FLT3: variants seen among roughly 807,000 people sequenced by gnomAD.
FLT3 encodes the protein receptor-type tyrosine-protein kinase FLT3.
In FLT3, 46 loss-of-function variants were observed where a neutral mutation model predicts 126.6. That is an observed-to-expected ratio of 0.36 (90% CI 0.29 to 0.46). The LOEUF (loss-of-function observed/expected upper bound fraction) is 0.46, where lower values mean the gene tolerates loss of function less well. FLT3 is among the 20% of genes least tolerant of loss of function. The pLI, the probability that FLT3 is intolerant of heterozygous loss-of-function variation, is 1.00. For missense variants in FLT3, 1,069 were observed against 1,190.3 expected (o/e 0.90, Z 1.50); for synonymous variants, 404 against 434.4 (o/e 0.93, Z 0.87).
intron 1 of FLT3, 149 bp from the exon 2 acceptor site, chr13:28,070,761 GT>G: frequency 1.6e-6 from 1 of 613,864 alleles, no homozygotes; most frequent in Non-Finnish European, 2.8e-6. Context: ...TTTTATGCAA[GT>G]TTAGTCTAGT....
At chr13:28,047,336 A>C (rs4771207) in intron 9 of FLT3, among the ~76,000 whole-genome samples, 24,047 of 152,226 alleles carry the variant, frequency 0.16, 2,257 homozygotes, top group Middle Eastern at 0.26. Context: ...TTAAAGAGAC[A>C]AGAGATGTCA....
Position 28,052,537 on chromosome 13 carries a change from T to C in FLT3, c.614+8A>G, listed in dbSNP as rs1206805957. Reference sequence around the variant, plus strand: ...ATGAGAATAGCAGCTACCATGGATGTGTCATACCTTTCCCCCTGTGAATCG... The same window carrying C: ...ATGAGAATAGCAGCTACCATGGATGCGTCATACCTTTCCCCCTGTGAATCG... On this transcript the variant is annotated splice_region_variant and intron_variant, in intron 5 of 23. Coordinates refer to ENST00000241453, the MANE Select transcript of FLT3 (RefSeq NM_004119.3). 2 of 1,609,058 alleles carry C rather than the reference T, an allele frequency of 1.2e-6. No individual in the cohort carries two copies. Among genetic ancestry groups the C allele is most frequent in the Non-Finnish European group, 8.5e-7 (1 of 1,178,066 alleles).
chr13:28,035,143 T>C (rs181060175), intron 12 of FLT3, among the ~76,000 whole-genome samples: 72 of 152,142 alleles, frequency 4.7e-4, no homozygotes, highest in African/African-American at 1.5e-3. Context: ...CCAAAAATTA[T>C]AAAACAGCAA....
At chr13:28,064,698 A>T (rs1286529124) in intron 2 of FLT3, among the ~76,000 whole-genome samples, 2 of 152,232 alleles carry the variant, frequency 1.3e-5, no homozygotes, top group Non-Finnish European at 2.9e-5. Context: ...GCAAAAAATT[A>T]AAAAATATGA....
chr13:28,046,175 C>T (rs891043790), intron 9 of FLT3, among the ~76,000 whole-genome samples: 7 of 152,082 alleles, frequency 4.6e-5, no homozygotes, highest in Non-Finnish European at 1.0e-4. Flanking sequence ...GTGTTTCAGT[C>T]AGCTCCCAGA....
chr13:28,057,307 G>A (rs1163277273), intron 4 of FLT3, 40 bp downstream of exon 4: 5 of 870,490 alleles, frequency 5.7e-6, no homozygotes, highest in African/African-American at 3.3e-5. Flanking sequence ...GAAATATTGT[G>A]GTATTCCAGG....
chr13:28,068,783 C>T (rs182428414), intron 2 of FLT3, among the ~76,000 whole-genome samples: 7 of 152,178 alleles, frequency 4.6e-5, no homozygotes, highest in African/African-American at 1.2e-4. Context: ...CACCATGTTC[C>T]TCAGGCTGGT....
At chr13:28,087,118 G>A (rs1878726319) in intron 1 of FLT3, among the ~76,000 whole-genome samples, 1 of 152,208 alleles carries the variant, frequency 6.6e-6, no homozygotes, top group African/African-American at 2.4e-5. Flanking sequence ...TGTCCAGGAT[G>A]AAGTACAGTG....
At chr13:28,035,877 C>T in intron 11 of FLT3, 58 bp downstream of exon 11, 1 of 1,378,368 alleles carries the variant, frequency 7.3e-7, no homozygotes, top group Non-Finnish European at 1.0e-6. Context: ...ATGAAAGAGT[C>T]AATAGGTCAG....
At chr13:28,060,240 C>CAAAAAAAAA (rs71086821) in intron 3 of FLT3, among the ~76,000 whole-genome samples, 2 of 113,044 alleles carry the variant, frequency 1.8e-5, no homozygotes, top group African/African-American at 6.9e-5. Flanking sequence ...ACTAAAAATA[C>CAAAAAAAAA]AAAAAAAAAA....
chr13:28,100,288 G>A lies in FLT3; in HGVS notation c.43+180C>T, dbSNP rs1020393051. On this transcript the variant is annotated intron_variant, in intron 1 of 23. Transcript: ENST00000241453. The surrounding 1 kb of genome is among the most constrained non-coding windows in gnomAD (Gnocchi z 4.8). ...CGGGGTGGGAAACGCCGGGGCCGCA[G>A]GCAAGTAGTGGGCGAGTCCGGAGGG... Among the ~76,000 whole-genome samples the A allele has an allele frequency of 1.3e-5, 2 of 152,122 alleles. No individual in the cohort carries two copies. The highest frequency in any genetic ancestry group is 2.9e-5 in the Non-Finnish European group (2 of 68,012).
intron 15 of FLT3, among the ~76,000 whole-genome samples, chr13:28,031,372 G>A (rs957688562): frequency 3.3e-5 from 5 of 152,174 alleles, no homozygotes; most frequent in Non-Finnish European, 5.9e-5. Flanking sequence ...GAGCTGGCCA[G>A]GTGACTCATG....
chr13:28,022,669 A>C (rs1415412076), intron 19 of FLT3, among the ~76,000 whole-genome samples: 3 of 152,122 alleles, frequency 2.0e-5, no homozygotes, highest in Non-Finnish European at 2.9e-5. Context: ...AATTTTGGGA[A>C]ATAAAGAGAA....
chr13:28,091,207 C>CTT (rs572410744), intron 1 of FLT3, among the ~76,000 whole-genome samples: 1,662 of 36,534 alleles, frequency 0.045, 334 homozygotes, highest in African/African-American at 0.054. Context: ...GCCCCATTTT[C>CTT]TTTTTTTTTT....
chr13:28,100,346 G>C lies in FLT3; in HGVS notation c.43+122C>G, dbSNP rs1265391647. ...GAGGGGAGGGGCGCGGGAGGCAATG[G>C]AAGGAGCGAGCGCGGGGAGGAGCGA... On this transcript the variant is annotated intron_variant, in intron 1 of 23. Transcript: ENST00000241453. This position sits in a 1 kb window ranked among gnomAD's most constrained non-coding sequence, Gnocchi z 4.8. 1 of 642,842 alleles carries C rather than the reference G, an allele frequency of 1.6e-6. No individual in the cohort carries two copies. The highest frequency in any genetic ancestry group is 2.2e-6 in the Non-Finnish European group (1 of 458,352). 39.8% of individuals were successfully genotyped at this position (642,842 alleles called of 1,614,324 possible). A position where few individuals can be genotyped will look rare whatever the true frequency, so the allele number is the denominator to read the frequency against.
intron 16 of FLT3, among the ~76,000 whole-genome samples, 198 bp downstream of exon 16, chr13:28,027,980 G>A (rs1484766666): frequency 6.6e-6 from 1 of 152,178 alleles, no homozygotes; most frequent in East Asian, 1.9e-4. Context: ...TAAAGCAGAT[G>A]AATGAGGCAT....
chr13:28,091,885 C>G (rs1879130253), intron 1 of FLT3, among the ~76,000 whole-genome samples: 1 of 151,974 alleles, frequency 6.6e-6, no homozygotes, highest in East Asian at 2.0e-4. Flanking sequence ...GCCTGGCCAA[C>G]ATGGTGAAAC....
rs922183750 is a variant in FLT3, at chr13:28,048,295, C to T, written c.1185G>A (p.Lys395=). The change falls in exon 9 of 24, where the codon AAG becomes AAA. Residue 395 remains lysine (K), a synonymous_variant. Transcript: ENST00000241453. ...CTCACCTGTATCCGTTATCAAGACC[C>T]TTTTGCTCACAAGGAAATGATTTTC... ...FSRKSFPCEQ[K]GLDNGYSISK... 6.2e-6 allele frequency: 10 copies of T among 1,613,744 alleles called. No homozygotes were observed. Among genetic ancestry groups the T allele is most frequent in the Non-Finnish European group, 8.5e-6 (10 of 1,179,892 alleles).
chr13:28,034,057 AACATTTGGC>A lies in FLT3; in HGVS notation c.1837+16_1837+24del, dbSNP rs1873602531. 1 of 1,613,650 alleles carries A rather than the reference AACATTTGGC, an allele frequency of 6.2e-7. No homozygotes were observed. Among genetic ancestry groups the A allele is most frequent in the East Asian group, 2.2e-5 (1 of 44,878 alleles). ...TCCAATGGAAAAGAAATGCTGCAGA[AACATTTGGC>A]ACATTCCATTCTTACCAAACTCTAA... is the stretch of plus-strand genomic sequence containing the variant. On this transcript the variant is annotated intron_variant, in intron 14 of 23. Transcript: ENST00000241453.
Sources: gnomAD v4.1 joint callset for allele counts (sites outside exome capture counted in the v4.1 genomes callset) on GRCh38, gnomAD v4.1.1 for gene constraint, Gnocchi (gnomAD v3.1) non-coding constraint, MANE v1.5 for transcripts, NCBI Gene and HGNC (gene_info 2026-07-23, HGNC 2026-07-21) for gene names.